The following C1orf94 variants were observed in gnomAD, a reference collection of about 807,000 sequenced individuals.
C1orf94 encodes chromosome 1 open reading frame 94.
In C1orf94, 45 loss-of-function variants were observed where a neutral mutation model predicts 53.6. That is an observed-to-expected ratio of 0.84 (90% confidence interval 0.66 to 1.08). The LOEUF (loss-of-function observed/expected upper bound fraction) is 1.08. C1orf94 is among the 50% of genes least tolerant of loss of function. The pLI, the probability that C1orf94 is intolerant of heterozygous loss-of-function variation, is 0.00. For missense variants in C1orf94, 762 were observed against 738.9 expected (o/e 1.03, Z -0.36); for synonymous variants, 304 against 296.1 (o/e 1.03, Z -0.27).
chr1:34,186,786 G>A (rs1204683195), intron 1 of C1orf94, among the ~76,000 whole-genome samples: 1 of 152,200 alleles, frequency 6.6e-6, no homozygotes, highest in African/African-American at 2.4e-5. Context: ...TGATGAGGTG[G>A]TGGGCACCTG....
intron 6 of C1orf94, among the ~76,000 whole-genome samples, chr1:34,215,002 A>G (rs1221593438): frequency 6.6e-6 from 1 of 152,220 alleles, no homozygotes. Flanking sequence ...CACCAGGGAT[A>G]ATGAAGTGAA....
At chr1:34,216,304 G>T (rs533944496) in intron 6 of C1orf94, among the ~76,000 whole-genome samples, 1 of 152,290 alleles carries the variant, frequency 6.6e-6, no homozygotes, top group Non-Finnish European at 1.5e-5. Flanking sequence ...GAAGAGAAGA[G>T]ATCCAAGGGC....
intron 1 of C1orf94, 63 bp downstream of exon 1, chr1:34,178,172 G>C: frequency 2.0e-6 from 3 of 1,485,580 alleles, no homozygotes; most frequent in Non-Finnish European, 2.7e-6. Context: ...CTGACCTTCT[G>C]GGGGAATGTT....
intron 6 of C1orf94, among the ~76,000 whole-genome samples, chr1:34,218,356 G>A (rs1362783134): frequency 6.6e-6 from 1 of 152,162 alleles, no homozygotes; most frequent in African/African-American, 2.4e-5. Flanking sequence ...AGGAATACAG[G>A]TAAGATGCTT....
At chr1:34,184,267 C>T (rs541704545) in intron 1 of C1orf94, among the ~76,000 whole-genome samples, 29 of 152,256 alleles carry the variant, frequency 1.9e-4, no homozygotes, top group African/African-American at 7.0e-4. Context: ...AAAGAACAGC[C>T]TATGGAAAGA....
intron 1 of C1orf94, among the ~76,000 whole-genome samples, chr1:34,167,465 C>T (rs979892615): frequency 4.6e-5 from 7 of 152,206 alleles, no homozygotes; most frequent in Non-Finnish European, 8.8e-5. Context: ...AGAACTTTCC[C>T]GGGCAAAAGG....
chr1:34,199,798 C>A (rs1412647297), intron 2 of C1orf94, among the ~76,000 whole-genome samples: 2 of 151,358 alleles, frequency 1.3e-5, no homozygotes, highest in African/African-American at 4.8e-5. Flanking sequence ...CACACTCTAG[C>A]CATATCCAGT....
chr1:34,189,137 G>A lies in C1orf94; in HGVS notation c.321-8088G>A, dbSNP rs1213362618. On this transcript the variant is annotated intron_variant, in intron 1 of 6. Transcript: ENST00000488417. ...GTGTGTTCATGTGTGCAGGATGTGT[G>A]TGTATGGATGTGTGTGCATGGCTGT... is the stretch of plus-strand genomic sequence containing the variant. Among the ~76,000 whole-genome samples the A allele has an allele frequency of 2.0e-5, 3 of 150,716 alleles. No homozygotes were observed. The East Asian group carries it at 5.8e-4, about 29-fold the overall frequency.
At chr1:34,169,653 C>A (rs1642113870) in intron 1 of C1orf94, among the ~76,000 whole-genome samples, 1 of 127,288 alleles carries the variant, frequency 7.9e-6, no homozygotes, top group African/African-American at 2.8e-5. Flanking sequence ...ATGGGAGATT[C>A]TAGCAATGCG....
At position 34,177,970 on chromosome 1, in the gene C1orf94, A is replaced by G; in HGVS notation, c.181A>G (p.Ser61Gly). Residue 61 changes from serine to glycine, a missense_variant, in exon 1 of 7, where the codon AGC becomes GGC. Ser to Gly is a moderately conservative substitution (Grantham distance 56). Transcript: ENST00000488417. ...GATCCACCAGGACACACCCCAAGAC[A>G]GCCTAGACAAGACTTGCCATGAAAT... Reference protein sequence around the residue: ...IWIHQDTPQDSLDKTCHEIWK... With the variant: ...IWIHQDTPQDGLDKTCHEIWK... 2 of 1,551,714 alleles carry G rather than the reference A, an allele frequency of 1.3e-6. No individual in the cohort carries two copies. Among genetic ancestry groups the G allele is most frequent in the Non-Finnish European group, 1.7e-6 (2 of 1,147,006 alleles).
intron 6 of C1orf94, among the ~76,000 whole-genome samples, chr1:34,214,763 C>A (rs1198742372): frequency 6.6e-6 from 1 of 152,056 alleles, no homozygotes; most frequent in Non-Finnish European, 1.5e-5. Context: ...GAGGAAGGAG[C>A]AGCCTGAGAA....
chr1:34,175,741 T>C (rs565116026), upstream of C1orf94, among the ~76,000 whole-genome samples: 1 of 152,264 alleles, frequency 6.6e-6, no homozygotes, highest in East Asian at 1.9e-4. Context: ...ATCCTCATAA[T>C]TTATTAACAC....
At position 34,202,328 on chromosome 1, in the gene C1orf94, G is replaced by C. The variant is rs917678293; in HGVS notation, c.1446+69G>C. On this transcript the variant is annotated intron_variant, in intron 4 of 6. Transcript: ENST00000488417. ...TTTGGCCACAGAGAAGGAGTGGCTG[G>C]CAGGGGGTCTATTTCACAGAGTCTT... is the stretch of plus-strand genomic sequence containing the variant. 7 of 1,523,042 alleles carry C rather than the reference G, an allele frequency of 4.6e-6. No homozygotes were observed. The Admixed American group carries it at 1.3e-4, about 28-fold the overall frequency. 94.3% of individuals were successfully genotyped at this position (1,523,042 alleles called of 1,614,324 possible).
intron 4 of C1orf94, among the ~76,000 whole-genome samples, chr1:34,207,703 C>T (rs1642822047): frequency 6.6e-6 from 1 of 152,206 alleles, no homozygotes; most frequent in Non-Finnish European, 1.5e-5. Context: ...GCATAGACAC[C>T]TTGTGTCTTC....
intron 1 of C1orf94, among the ~76,000 whole-genome samples, chr1:34,187,297 G>A (rs930332389): frequency 2.0e-5 from 3 of 152,294 alleles, no homozygotes; most frequent in South Asian, 2.1e-4. Flanking sequence ...AGCAGAGCAC[G>A]GATAAGAGTT....
At chr1:34,173,885 C>T (rs1642183830), upstream of C1orf94, among the ~76,000 whole-genome samples, 1 of 152,224 alleles carries the variant, frequency 6.6e-6, no homozygotes, top group South Asian at 2.1e-4. Context: ...TTCTTCACTA[C>T]TCTATCTTCA....
At chr1:34,181,338 G>T (rs949586476) in intron 1 of C1orf94, among the ~76,000 whole-genome samples, 7 of 152,158 alleles carry the variant, frequency 4.6e-5, no homozygotes, top group African/African-American at 1.7e-4. Flanking sequence ...TGAAAGCCAA[G>T]TACAATAATC....
chr1:34,200,814 G>T lies in C1orf94; in HGVS notation c.1052G>T (p.Ser351Ile), dbSNP rs1188099977. The T allele has an allele frequency of 1.9e-6, 3 of 1,614,054 alleles. No homozygotes were observed. The highest frequency in any genetic ancestry group is 1.7e-5 in the Admixed American group (1 of 60,006). ...AAGGAGCCAAAAAAGGGTCAAGGGA[G>T]CCTCTTTCTCAGCCAGTGGCCCCAG... is the stretch of plus-strand genomic sequence containing the variant. ...GTKEPKKGQG[S>I]LFLSQWPQSQ... The change falls in exon 3 of 7, where the codon AGC becomes ATC. Residue 351 changes from serine (S) to isoleucine (I), a missense_variant. Ser to Ile is a moderately radical substitution (Grantham distance 142). Transcript: ENST00000488417.
In C1orf94 at chr1:34,218,711, T is replaced by A. The variant is rs763493301; in HGVS notation, c.1747T>A (p.Leu583Met). Reference protein sequence around the residue: ...YGFGSTSGGPLMHSPYFSSSG... With the variant: ...YGFGSTSGGPMMHSPYFSSSG... ...GTTCGGCTCGACATCCGGAGGGCCC[T>A]TGATGCACAGCCCCTATTTTTCTTC... Residue 583 changes from leucine (L) to methionine (M), a missense_variant, in exon 7 of 7, where the codon TTG (leucine) becomes ATG (methionine). Coordinates refer to ENST00000488417, the MANE Select transcript of C1orf94 (RefSeq NM_001134734.2). The A allele has an allele frequency of 6.2e-7, 1 of 1,612,822 alleles. No individual in the cohort carries two copies. Among genetic ancestry groups the A allele is most frequent in the East Asian group, 2.2e-5 (1 of 44,864 alleles).
Sources: allele counts gnomAD v4.1 joint callset (sites outside exome capture counted in the v4.1 genomes callset), GRCh38; gene constraint gnomAD v4.1.1; transcripts MANE v1.5; gene names NCBI Gene and HGNC (gene_info 2026-07-23, HGNC 2026-07-21).